Variants in VIRMA observed in about 807,000 individuals in gnomAD.
VIRMA encodes protein virilizer homolog.
VIRMA carries 65 observed loss-of-function variants against 182.4 expected under a neutral mutation model. The observed-to-expected ratio is 0.36, with a 90% CI of 0.29 to 0.44. The LOEUF is 0.44. VIRMA is among the 20% of genes least tolerant of loss of function. The probability of loss-of-function intolerance (pLI) is 1.00; values close to 1 mark genes in which losing one functional copy is unlikely to be tolerated. For missense variants in VIRMA, 1,752 were observed against 2,158.1 expected, an observed-to-expected ratio of 0.81 and a Z score of 3.73; for synonymous variants, 709 against 743.1, an observed-to-expected ratio of 0.95 and a Z score of 0.75.
In VIRMA at chr8:94,522,432, G is replaced by C. The variant is rs114803697; in HGVS notation, c.2022-2956C>G. 6.5e-3 allele frequency among the ~76,000 whole-genome samples: 988 copies of C among 152,230 alleles called. 19 individuals are homozygous for C. Among genetic ancestry groups the C allele is most frequent in the African/African-American group, 0.023 (940 of 41,540 alleles). On this transcript the variant is annotated intron_variant, in intron 8 of 23. Transcript: ENST00000297591. ...ATGCTGAGTTTTGTGAGTCCTCCTA[G>C]AGAATCTTGGTGCTCTTGGGGAACC...
At chr8:94,495,600 C>T in intron 19 of VIRMA, 131 bp downstream of exon 19, 1 of 541,162 alleles carries the variant, frequency 1.8e-6, no homozygotes, top group South Asian at 3.1e-5. Flanking sequence ...ACAACAGAGG[C>T]TGTATGGCCT....
chr8:94,531,597 C>T lies in VIRMA; in HGVS notation c.485-512G>A, dbSNP rs144571824. Reference sequence around the variant, plus strand: ...CTGATTATAAACTTTTCCTTCCTGGCATCTTAACAGAAATTTTGCTAATTA... The same window carrying T: ...CTGATTATAAACTTTTCCTTCCTGGTATCTTAACAGAAATTTTGCTAATTA... On this transcript the variant is annotated intron_variant, in intron 5 of 23. Coordinates refer to ENST00000297591, the MANE Select transcript of VIRMA (RefSeq NM_015496.5). 4.6e-3 allele frequency among the ~76,000 whole-genome samples: 702 copies of T among 152,288 alleles called. 2 individuals are homozygous for T. The highest frequency in any genetic ancestry group is 0.017 in the Middle Eastern group (5 of 294).
intron 13 of VIRMA, 109 bp downstream of exon 13, chr8:94,511,075 CT>C: frequency 6.8e-7 from 1 of 1,465,140 alleles, no homozygotes; most frequent in South Asian, 1.5e-5. Context: ...TATTTTATGT[CT>C]TTTTGGGAGG....
chr8:94,550,078 C>A (rs1266631006), intron 1 of VIRMA, among the ~76,000 whole-genome samples: 5 of 144,482 alleles, frequency 3.5e-5, no homozygotes, highest in African/African-American at 1.0e-4. Flanking sequence ...GCTTGGGTGA[C>A]AGAGCAAGAC....
chr8:94,526,297 A>T lies in VIRMA; in HGVS notation c.1947T>A (p.Pro649=). The T allele has an allele frequency of 6.2e-7, 1 of 1,614,062 alleles. No individual in the cohort carries two copies. Among genetic ancestry groups the T allele is most frequent in the Non-Finnish European group, 8.5e-7 (1 of 1,179,916 alleles). ...ETAPHTMIQQ[P]VKSFPTMARI... ...GTGCCATCGTTGGGAAAGACTTAAC[A>T]GGTTGTTGGATCATTGTATGAGGGG... The change falls in exon 8 of 24, where the codon CCT becomes CCA. Residue 649 remains proline (P), a synonymous_variant. Transcript: ENST00000297591.
In VIRMA at chr8:94,512,134, A is replaced by G. The variant is rs1457257454; in HGVS notation, c.2752-45T>C. On this transcript the variant is annotated intron_variant, in intron 11 of 23. Transcript: ENST00000297591. ...CAGAATATTTCGTTTCTTAGTACCCATGAGATCAACAGAAAATTCCAGACA... is the reference window on the plus strand; with the variant it reads ...CAGAATATTTCGTTTCTTAGTACCCGTGAGATCAACAGAAAATTCCAGACA... 4 of 965,618 alleles carry G rather than the reference A, an allele frequency of 4.1e-6. No individual in the cohort carries two copies. In the African/African-American group the frequency reaches 6.8e-5, roughly 16 times the overall value. The allele number at this position is 965,618 out of a possible 1,614,324, so 59.8% of individuals were successfully genotyped here. A position where few individuals can be genotyped will look rare whatever the true frequency, so the allele number is the denominator to read the frequency against.
In VIRMA at chr8:94,518,970, T is replaced by G; in HGVS notation, c.2513+15A>C. The G allele has an allele frequency of 6.4e-7, 1 of 1,571,084 alleles. No individual in the cohort carries two copies. The highest frequency in any genetic ancestry group is 8.6e-7 in the Non-Finnish European group (1 of 1,162,808). On this transcript the variant is annotated intron_variant, in intron 9 of 23. Transcript: ENST00000297591. ...CTAACATCATAGAAAATTTAAGGAGTAAGTAGGAAATTACCCCAAGGCTTC... is the reference window on the plus strand; with the variant it reads ...CTAACATCATAGAAAATTTAAGGAGGAAGTAGGAAATTACCCCAAGGCTTC...
intron 2 of VIRMA, 87 bp from the exon 3 acceptor site, chr8:94,538,433 G>A (rs1016352218): frequency 1.9e-5 from 15 of 778,398 alleles, no homozygotes. Context: ...ACAAAGTTAA[G>A]AGCAATTCTA....
At chr8:94,510,994 T>C in intron 13 of VIRMA, 191 bp downstream of exon 13, 1 of 1,382,424 alleles carries the variant, frequency 7.2e-7, no homozygotes, top group Non-Finnish European at 9.3e-7. Flanking sequence ...TAACAAAAAT[T>C]TATTTAAAAT....
At chr8:94,503,965 G>A (rs1206217972) in intron 16 of VIRMA, among the ~76,000 whole-genome samples, 1 of 152,006 alleles carries the variant, frequency 6.6e-6, no homozygotes, top group African/African-American at 2.4e-5. Context: ...CTGAGGTCAG[G>A]AGTTCAAGAC....
At chr8:94,549,082 T>TA (rs1815882073) in intron 1 of VIRMA, among the ~76,000 whole-genome samples, 1 of 152,228 alleles carries the variant, frequency 6.6e-6, no homozygotes, top group Non-Finnish European at 1.5e-5. Context: ...TTTGTAATGT[T>TA]AAGTGTTTTT....
intron 7 of VIRMA, among the ~76,000 whole-genome samples, chr8:94,528,094 C>T (rs1285290734): frequency 6.6e-6 from 1 of 151,778 alleles, no homozygotes; most frequent in Non-Finnish European, 1.5e-5. Flanking sequence ...ATTACCTGAG[C>T]GTAGGGGTGC....
intron 11 of VIRMA, among the ~76,000 whole-genome samples, chr8:94,512,860 T>C (rs531012850): frequency 6.6e-6 from 1 of 152,334 alleles, no homozygotes; most frequent in South Asian, 2.1e-4. Flanking sequence ...CTGGCCTACA[T>C]GGCATACATT....
intron 17 of VIRMA, chr8:94,497,087 A>C (rs1167667491): frequency 6.6e-6 from 1 of 152,324 alleles, no homozygotes; most frequent in East Asian, 1.9e-4. Flanking sequence ...ACATTGTATA[A>C]AATCTTTAGC....
At chr8:94,511,789 A>G (rs1210033741) in intron 12 of VIRMA, 60 bp from the exon 13 acceptor site, 1 of 1,016,964 alleles carries the variant, frequency 9.8e-7, no homozygotes, top group African/African-American at 1.7e-5. Context: ...TAACTGATTA[A>G]GAATTATTAA....
chr8:94,543,454 A>G (rs1815646995), intron 2 of VIRMA, among the ~76,000 whole-genome samples: 1 of 150,112 alleles, frequency 6.7e-6, no homozygotes, highest in Admixed American at 6.6e-5. Flanking sequence ...TAATAGTAAG[A>G]TACACTTATA....
At chr8:94,507,524 G>A (rs1414988729) in intron 15 of VIRMA, among the ~76,000 whole-genome samples, 2 of 151,870 alleles carry the variant, frequency 1.3e-5, no homozygotes, top group African/African-American at 4.8e-5. Flanking sequence ...AGAGGCCAAG[G>A]CAAGTGGATT....
chr8:94,493,549 G>A (rs1813674419), intron 20 of VIRMA, among the ~76,000 whole-genome samples: 1 of 152,190 alleles, frequency 6.6e-6, no homozygotes, highest in Non-Finnish European at 1.5e-5. Context: ...ACAGGCACAT[G>A]AGGCTACTGT....
chr8:94,500,659 T>C (rs1429433030), intron 16 of VIRMA, among the ~76,000 whole-genome samples: 1 of 149,364 alleles, frequency 6.7e-6, no homozygotes, highest in Non-Finnish European at 1.5e-5. Flanking sequence ...TAGTTTCTTT[T>C]TTTTTTTTTT....
Sources: gnomAD v4.1 joint callset for allele counts (sites outside exome capture counted in the v4.1 genomes callset) on GRCh38, gnomAD v4.1.1 for gene constraint, MANE v1.5 for transcripts, NCBI Gene and HGNC (gene_info 2026-07-23, HGNC 2026-07-21) for gene names.